Variants in CDH18 observed in about 807,000 individuals in gnomAD.
CDH18 encodes the protein cadherin-18.
In CDH18, 31 loss-of-function variants were observed where a neutral mutation model predicts 67.9. The ratio of observed to expected loss-of-function variants is 0.46; its 90% CI spans 0.34 to 0.62. The LOEUF (loss-of-function observed/expected upper bound fraction) is 0.62. Among genes scored for constraint, CDH18 ranks in the 20% least tolerant of loss-of-function variants. CDH18 has a pLI of 0.01. For synonymous variants in CDH18, 362 were observed against 347.2 expected (o/e 1.04, Z -0.48); for missense variants, 890 against 975.5 (o/e 0.91, Z 1.17).
At chr5:19,994,626 T>G (rs1290963782) in intron 2 of CDH18, among the ~76,000 whole-genome samples, 1 of 143,650 alleles carries the variant, frequency 7.0e-6, no homozygotes, top group Non-Finnish European at 1.5e-5. Flanking sequence ...AAAGATTAAT[T>G]AGTTCCTCAC....
At chr5:20,573,821 ATATATATATATATATATATATATGTATT>A (rs1561144274) in intron 1 of CDH18, among the ~76,000 whole-genome samples, 1 of 11,928 alleles carries the variant, frequency 8.4e-5, no homozygotes, top group Non-Finnish European at 1.8e-4. Flanking sequence ...ATATATATAT[ATATATATATATATATATATATATGTATT>A]TATATATAAA....
intron 2 of CDH18, among the ~76,000 whole-genome samples, chr5:19,914,476 T>C (rs535494702): frequency 6.6e-6 from 1 of 152,148 alleles, no homozygotes; most frequent in African/African-American, 2.4e-5. Flanking sequence ...CACATAAGTG[T>C]GTGGATATAT....
chr5:19,966,099 A>G (rs1797412085), intron 2 of CDH18, among the ~76,000 whole-genome samples: 1 of 152,192 alleles, frequency 6.6e-6, no homozygotes, highest in Non-Finnish European at 1.5e-5. Flanking sequence ...ACTTTGATTT[A>G]TATATAAAAA....
At chr5:20,043,554 T>G (rs971909492) in intron 2 of CDH18, among the ~76,000 whole-genome samples, 3 of 152,218 alleles carry the variant, frequency 2.0e-5, no homozygotes, top group African/African-American at 7.2e-5. Flanking sequence ...CAACCTTTCA[T>G]GGTCCTCTGT....
At chr5:20,146,712 A>T (rs146324454) in intron 2 of CDH18, among the ~76,000 whole-genome samples, 4,903 of 152,150 alleles carry the variant, frequency 0.032, 146 homozygotes, top group Admixed American at 0.1. Context: ...GTAATAAATG[A>T]TAGAAATAAC....
At chr5:20,389,144 C>CCCCACTGTCA (rs1313948019) in intron 1 of CDH18, among the ~76,000 whole-genome samples, 1 of 152,088 alleles carries the variant, frequency 6.6e-6, no homozygotes, top group East Asian at 1.9e-4. Context: ...CTAATGTTGA[C>CCCCACTGTCA]AGTGGGGTGT....
chr5:19,775,503 A>T (rs956005550), intron 3 of CDH18, among the ~76,000 whole-genome samples: 1 of 151,976 alleles, frequency 6.6e-6, no homozygotes, highest in Non-Finnish European at 1.5e-5. Context: ...GCAGGAGCAG[A>T]CACCTCACAG....
chr5:19,696,225 A>ATGTG (rs1192392126), intron 5 of CDH18, among the ~76,000 whole-genome samples: 127 of 75,106 alleles, frequency 1.7e-3, no homozygotes, highest in African/African-American at 2.4e-3. Context: ...CACCAAATAT[A>ATGTG]TGTGTGTGTG....
chr5:20,263,718 T>C (rs1744831011), intron 1 of CDH18, among the ~76,000 whole-genome samples: 2 of 152,186 alleles, frequency 1.3e-5, no homozygotes, highest in Non-Finnish European at 2.9e-5. Context: ...TAGCTTTAGG[T>C]TCCATTTGGC....
intron 2 of CDH18, among the ~76,000 whole-genome samples, chr5:19,921,327 T>C (rs559795343): frequency 9.1e-4 from 139 of 152,062 alleles, no homozygotes; most frequent in Non-Finnish European, 1.8e-3. Flanking sequence ...GTCAGGAGAT[T>C]GCGACTATCC....
chr5:20,263,118 G>A (rs767178935), intron 1 of CDH18, among the ~76,000 whole-genome samples: 27 of 152,070 alleles, frequency 1.8e-4, no homozygotes, highest in Non-Finnish European at 3.1e-4. Context: ...ACACAATTAT[G>A]TACCCTCGAG....
At chr5:20,180,146 T>G (rs946064961) in intron 2 of CDH18, among the ~76,000 whole-genome samples, 2 of 151,380 alleles carry the variant, frequency 1.3e-5, no homozygotes, top group African/African-American at 2.4e-5. Flanking sequence ...GTCAGGGAGG[T>G]TTCACATCAC....
At chr5:20,519,599 A>T (rs1755600598) in intron 1 of CDH18, among the ~76,000 whole-genome samples, 1 of 152,136 alleles carries the variant, frequency 6.6e-6, no homozygotes, top group East Asian at 1.9e-4. Flanking sequence ...GTGCACATAT[A>T]CCCTAAAACT....
At chr5:20,022,400 T>C (rs1014919653) in intron 2 of CDH18, among the ~76,000 whole-genome samples, 3 of 152,234 alleles carry the variant, frequency 2.0e-5, no homozygotes, top group African/African-American at 7.2e-5. Flanking sequence ...TCAGTGTTTA[T>C]ATGAATGATA....
intron 5 of CDH18, among the ~76,000 whole-genome samples, chr5:19,677,388 A>T (rs1162784911): frequency 2.6e-5 from 4 of 152,100 alleles, no homozygotes; most frequent in Non-Finnish European, 4.4e-5. Context: ...GAACTGCCTT[A>T]AAGAAGATCC....
At chr5:19,557,732 T>C (rs1040897893) in intron 8 of CDH18, among the ~76,000 whole-genome samples, 1 of 152,056 alleles carries the variant, frequency 6.6e-6, no homozygotes, top group Non-Finnish European at 1.5e-5. Flanking sequence ...ACTAGACAGG[T>C]CATGAAGACA....
At chr5:19,474,055 A>G (rs1738031010) in intron 12 of CDH18, among the ~76,000 whole-genome samples, 3 of 152,156 alleles carry the variant, frequency 2.0e-5, no homozygotes, top group South Asian at 2.1e-4. Flanking sequence ...TGATGAAAAA[A>G]TAATATGAAA....
intron 5 of CDH18, among the ~76,000 whole-genome samples, chr5:19,636,300 A>T (rs908077469): frequency 6.6e-6 from 1 of 152,052 alleles, no homozygotes; most frequent in Admixed American, 6.6e-5. Context: ...GCAAAGTGGT[A>T]TGGCTACCTC....
At chr5:20,036,263 T>C (rs1739853149) in intron 2 of CDH18, among the ~76,000 whole-genome samples, 1 of 152,032 alleles carries the variant, frequency 6.6e-6, no homozygotes, top group Non-Finnish European at 1.5e-5. Flanking sequence ...GACTTCTCTC[T>C]GTATTAGTAT....
Sources: gnomAD v4.1 joint callset for allele counts (sites outside exome capture counted in the v4.1 genomes callset) on GRCh38, gnomAD v4.1.1 for gene constraint, MANE v1.5 for transcripts, NCBI Gene and HGNC (gene_info 2026-07-23, HGNC 2026-07-21) for gene names.